The following PCDHA13 variants were observed in gnomAD, a reference collection of about 807,000 sequenced individuals.
The protein encoded by PCDHA13 is protocadherin alpha-13.
Under a neutral mutation model 64.8 loss-of-function variants are expected in PCDHA13, and 54 were observed. That is an observed-to-expected ratio of 0.83 (90% CI 0.67 to 1.04). PCDHA13 has a LOEUF of 1.04. Ranked by LOEUF, PCDHA13 falls within the 50% of genes least tolerant of loss-of-function variation. The pLI is 0.00. For synonymous variants in PCDHA13, 587 were observed against 564.4 expected (o/e 1.04, Z -0.57); for missense variants, 1,248 against 1,254.3 (o/e 0.99, Z 0.08).
Position 140,882,748 on chromosome 5 carries a change from A to G in PCDHA13, c.480A>G (p.Ala160=), listed in dbSNP as rs1562779294. 6.2e-7 allele frequency: 1 copy of G among 1,614,258 alleles called. No homozygotes were observed. The highest frequency in any genetic ancestry group is 8.5e-7 in the Non-Finnish European group (1 of 1,180,044). Residue 160 remains alanine (A), a synonymous_variant, in exon 1 of 4, where the codon GCA becomes GCG. Transcript: ENST00000289272. ...TRFPLDGASD[A]DIGVNSALTY... is the part of the protein sequence containing the mutation. Reference sequence around the variant, plus strand: ...TTCCACTAGATGGCGCATCCGATGCAGATATTGGAGTAAACTCGGCATTGA... The same window carrying G: ...TTCCACTAGATGGCGCATCCGATGCGGATATTGGAGTAAACTCGGCATTGA...
At chr5:140,941,195 C>T (rs1337267572) in intron 1 of PCDHA13, among the ~76,000 whole-genome samples, 39 of 106,424 alleles carry the variant, frequency 3.7e-4, no homozygotes, top group Non-Finnish European at 4.9e-4. Context: ...CTTTTTTTTT[C>T]TTTCTTCCTT....
At chr5:140,992,095 G>T (rs1554252652) in intron 3 of PCDHA13, among the ~76,000 whole-genome samples, 1 of 151,540 alleles carries the variant, frequency 6.6e-6, no homozygotes, top group East Asian at 1.9e-4. Context: ...TAGAGAAAGA[G>T]AATTAAGGTG....
chr5:140,971,771 T>C (rs1433692038), intron 1 of PCDHA13, among the ~76,000 whole-genome samples: 1 of 152,192 alleles, frequency 6.6e-6, no homozygotes, highest in Non-Finnish European at 1.5e-5. Context: ...TCTTGAATAT[T>C]ATTCAAGATT....
intron 1 of PCDHA13, among the ~76,000 whole-genome samples, chr5:140,935,394 G>A (rs959098226): frequency 2.0e-5 from 3 of 152,088 alleles, no homozygotes; most frequent in East Asian, 1.9e-4. Flanking sequence ...GTTATCCCAC[G>A]GGACTCAAAC....
intron 1 of PCDHA13, among the ~76,000 whole-genome samples, chr5:140,916,610 A>G (rs1002556327): frequency 6.6e-6 from 1 of 152,196 alleles, no homozygotes; most frequent in Non-Finnish European, 1.5e-5. Flanking sequence ...TGCGGGCCTC[A>G]TGACTCTACT....
intron 1 of PCDHA13, among the ~76,000 whole-genome samples, chr5:140,912,002 A>T (rs1452427916): frequency 6.6e-6 from 1 of 152,236 alleles, no homozygotes; most frequent in Non-Finnish European, 1.5e-5. Flanking sequence ...ACAATAGGCC[A>T]TCTGCAAGCT....
chr5:140,917,333 G>T (rs1301739777), intron 1 of PCDHA13, among the ~76,000 whole-genome samples: 6 of 148,632 alleles, frequency 4.0e-5, no homozygotes, highest in East Asian at 2.0e-4. Context: ...GCGGGGGAGG[G>T]GGGGGATGGT....
At chr5:140,953,514 AC>A (rs1209488542) in intron 1 of PCDHA13, among the ~76,000 whole-genome samples, 2 of 152,136 alleles carry the variant, frequency 1.3e-5, no homozygotes, top group Non-Finnish European at 2.9e-5. Flanking sequence ...GGCCAAAGCA[AC>A]AAAAACGGGA....
intron 1 of PCDHA13, among the ~76,000 whole-genome samples, chr5:140,887,714 T>C (rs772328025): frequency 6.6e-6 from 1 of 152,220 alleles, no homozygotes; most frequent in Admixed American, 6.5e-5. Flanking sequence ...CTTCTTCTAA[T>C]AGTTTTTTCT....
intron 1 of PCDHA13, among the ~76,000 whole-genome samples, chr5:140,903,704 A>G (rs2070513598): frequency 6.6e-6 from 1 of 152,234 alleles, no homozygotes; most frequent in Admixed American, 6.5e-5. Context: ...AAATAGTAAT[A>G]AAATATACAA....
At chr5:140,966,899 C>T in intron 1 of PCDHA13, 2 of 1,598,372 alleles carry the variant, frequency 1.3e-6, no homozygotes, top group African/African-American at 1.3e-5. Context: ...CTCCCAGCTG[C>T]GATACTCTGT....
intron 1 of PCDHA13, chr5:140,929,115 C>T: frequency 6.2e-7 from 1 of 1,614,136 alleles, no homozygotes. Context: ...CATCAGCCAC[C>T]ATAGATGTCA....
chr5:141,009,003 A>G (rs782499793), intron 3 of PCDHA13, among the ~76,000 whole-genome samples: 16 of 152,220 alleles, frequency 1.1e-4, no homozygotes, highest in Non-Finnish European at 1.5e-4. Flanking sequence ...AAAGGAGCAT[A>G]TTTTGCCTTT....
intron 3 of PCDHA13, among the ~76,000 whole-genome samples, chr5:140,983,386 A>G (rs1426409765): frequency 2.6e-5 from 4 of 152,216 alleles, no homozygotes. Context: ...TCGCTGTGGC[A>G]GTTTTCAGAA....
intron 1 of PCDHA13, among the ~76,000 whole-genome samples, chr5:140,941,202 C>CTTTCCTT (rs1554213921): frequency 5.7e-5 from 7 of 122,742 alleles, no homozygotes; most frequent in Admixed American, 1.7e-4. Flanking sequence ...TTTCTTTCTT[C>CTTTCCTT]CTTTCTTTCT....
At chr5:140,922,386 T>G (rs1554200798) in intron 1 of PCDHA13, among the ~76,000 whole-genome samples, 1 of 152,194 alleles carries the variant, frequency 6.6e-6, no homozygotes, top group African/African-American at 2.4e-5. Context: ...AACCAAAGAC[T>G]CCTTGTTTTG....
intron 1 of PCDHA13, among the ~76,000 whole-genome samples, chr5:140,940,000 G>A (rs1442780881): frequency 6.6e-6 from 1 of 152,080 alleles, no homozygotes; most frequent in Non-Finnish European, 1.5e-5. Context: ...CTTGGATTTT[G>A]TCAATTTTTT....
chr5:140,974,396 G>C (rs1413050341), intron 1 of PCDHA13, among the ~76,000 whole-genome samples: 1 of 152,178 alleles, frequency 6.6e-6, no homozygotes, highest in Admixed American at 6.5e-5. Context: ...CATTAGGTAT[G>C]TTCTAAAGTT....
chr5:140,994,747 G>A (rs2097648455), intron 3 of PCDHA13, among the ~76,000 whole-genome samples: 1 of 152,152 alleles, frequency 6.6e-6, no homozygotes, highest in Non-Finnish European at 1.5e-5. Context: ...ATGGCAAGTA[G>A]GATGTGGAGA....
Sources: gnomAD v4.1 joint callset for allele counts (sites outside exome capture counted in the v4.1 genomes callset) on GRCh38, gnomAD v4.1.1 for gene constraint, MANE v1.5 for transcripts, NCBI Gene and HGNC (gene_info 2026-07-23, HGNC 2026-07-21) for gene names.